CNTLN: variants seen among roughly 807,000 people sequenced by gnomAD.
CNTLN encodes centlein.
CNTLN carries 212 observed loss-of-function variants against 180.0 expected under a neutral mutation model. The observed-to-expected ratio is 1.18, with a 90% CI of 1.05 to 1.32. The LOEUF (loss-of-function observed/expected upper bound fraction) is 1.32. Ranked by LOEUF, CNTLN falls within the 40% of genes most tolerant of loss-of-function variation. The pLI, the probability that CNTLN is intolerant of heterozygous loss-of-function variation, is 0.00. For synonymous variants in CNTLN, 722 were observed against 563.1 expected (o/e 1.28, Z -3.99); for missense variants, 2,095 against 1,610.9 (o/e 1.30, Z -5.14).
intron 23 of CNTLN, among the ~76,000 whole-genome samples, chr9:17,481,746 TC>T (rs533980857): frequency 1.5e-4 from 23 of 152,312 alleles, no homozygotes; most frequent in Non-Finnish European, 3.2e-4. Context: ...TAGCCTGTGA[TC>T]CTGCCCAACA....
chr9:17,521,995 G>C, the CNTLN span, among the ~76,000 whole-genome samples: 2 of 150,832 alleles, frequency 1.3e-5, no homozygotes, highest in Admixed American at 6.7e-5. Flanking sequence ...TTGGGTTGTA[G>C]AATCATGACC....
rs563263706 is a variant in CNTLN, at chr9:17,262,606, C to T, written c.850-11127C>T. On this transcript the variant is annotated intron_variant, in intron 5 of 25. Coordinates refer to ENST00000380647, the MANE Select transcript of CNTLN (RefSeq NM_017738.4). ...GTGGGGAAGGGGAGGGAGAGCATTA[C>T]GACAAATACCTAATGCATATTTCGG... is the stretch of plus-strand genomic sequence containing the variant. 6.0e-5 allele frequency among the ~76,000 whole-genome samples: 9 copies of T among 151,216 alleles called. 1 individual carries two copies. Among genetic ancestry groups the T allele is most frequent in the South Asian group, 2.1e-4 (1 of 4,814 alleles).
At chr9:17,137,427 G>C (rs966685698) in intron 1 of CNTLN, among the ~76,000 whole-genome samples, 34 of 152,058 alleles carry the variant, frequency 2.2e-4, no homozygotes, top group African/African-American at 8.2e-4. Flanking sequence ...TATTTATTCA[G>C]CTAGAGATCA....
In CNTLN at chr9:17,203,513, G is replaced by A. The variant is rs115682815; in HGVS notation, c.450-22690G>A. On this transcript the variant is annotated intron_variant, in intron 2 of 25. Coordinates refer to ENST00000380647, the MANE Select transcript of CNTLN (RefSeq NM_017738.4). The stretch of plus-strand genomic sequence containing the variant: ...TTGTCACATAGTGCCCTAATTCTTG[G>A]AGGCCTTGTTTGTTCCTTTTAATTC... 5.1e-3 allele frequency among the ~76,000 whole-genome samples: 775 copies of A among 152,086 alleles called. 4 individuals carry two copies. The highest frequency in any genetic ancestry group is 0.017 in the African/African-American group (720 of 41,502).
chr9:17,350,599 G>A (rs1822283693), intron 12 of CNTLN, among the ~76,000 whole-genome samples: 1 of 152,128 alleles, frequency 6.6e-6, no homozygotes, highest in Non-Finnish European at 1.5e-5. Context: ...AGGCTGGGTG[G>A]CTTAACAGAC....
At chr9:17,171,482 A>G (rs972929840) in intron 2 of CNTLN, among the ~76,000 whole-genome samples, 6 of 152,274 alleles carry the variant, frequency 3.9e-5, no homozygotes, top group Non-Finnish European at 8.8e-5. Flanking sequence ...TGCGTGTGTT[A>G]CAAGGTGTCT....
chr9:17,379,082 C>T (rs112888743), intron 13 of CNTLN, among the ~76,000 whole-genome samples: 1 of 151,816 alleles, frequency 6.6e-6, no homozygotes, highest in African/African-American at 2.4e-5. Flanking sequence ...GTTAATTACT[C>T]CACTGTCTTC....
intron 6 of CNTLN, among the ~76,000 whole-genome samples, chr9:17,274,491 A>T (rs181443773): frequency 0.012 from 1,822 of 147,418 alleles, 44 homozygotes; most frequent in African/African-American, 0.043. Context: ...CTATCTATCT[A>T]TCTATCTATC....
chr9:17,226,224 T>C lies in CNTLN; in HGVS notation c.471T>C (p.Ala157=), dbSNP rs41312826. 2.5e-5 allele frequency: 39 copies of C among 1,578,856 alleles called. No homozygotes were observed. The highest frequency in any genetic ancestry group is 3.1e-5 in the Non-Finnish European group (36 of 1,161,956). Residue 157 remains alanine (A), a synonymous_variant, in exon 3 of 26, where the codon GCT becomes GCC. Transcript: ENST00000380647. ...CTAGAGAAAAACAGAAATCTGAAGC[T>C]AAAGACAGAAAAGTTCTAGAAATTC... is the stretch of plus-strand genomic sequence containing the variant. ...VVEREKQKSE[A]KDRKVLEILQ... is the part of the protein sequence containing the mutation.
In CNTLN at chr9:17,502,586, G is replaced by A. The variant is rs751165278; in HGVS notation, c.4155G>A (p.Leu1385=). The A allele has an allele frequency of 1.0e-5, 14 of 1,405,632 alleles. No individual in the cohort carries two copies. The highest frequency in any genetic ancestry group is 2.4e-5 in the East Asian group (1 of 41,376). The allele number at this position is 1,405,632 out of a possible 1,614,324, so 87.1% of individuals were successfully genotyped here. A position where few individuals can be genotyped will look rare whatever the true frequency, so the allele number is the denominator to read the frequency against. ...PFASYLLEAV[L]EKINEKKKLV... is the part of the protein sequence containing the mutation. Reference sequence around the variant, plus strand: ...CCTCATATTTACTAGAAGCAGTACTGGAAAAAATAAATGAAAAAAAGAAAC... The same window carrying A: ...CCTCATATTTACTAGAAGCAGTACTAGAAAAAATAAATGAAAAAAAGAAAC... The change falls in exon 26 of 26, where the codon CTG becomes CTA. Residue 1385 remains leucine (L), a synonymous_variant. Coordinates refer to ENST00000380647, the MANE Select transcript of CNTLN (RefSeq NM_017738.4).
At chr9:17,196,888 A>G (rs1822167860) in intron 2 of CNTLN, among the ~76,000 whole-genome samples, 1 of 152,038 alleles carries the variant, frequency 6.6e-6, no homozygotes. Context: ...TAGTTATTTT[A>G]AAGTGTACAA....
intron 5 of CNTLN, among the ~76,000 whole-genome samples, chr9:17,260,396 A>G (rs1428728895): frequency 6.6e-6 from 1 of 151,050 alleles, no homozygotes; most frequent in Non-Finnish European, 1.5e-5. Context: ...TTACTTCCAA[A>G]TATGTGGCCA....
At chr9:17,377,520 G>A (rs139880740) in intron 13 of CNTLN, among the ~76,000 whole-genome samples, 1 of 151,994 alleles carries the variant, frequency 6.6e-6, no homozygotes, top group African/African-American at 2.4e-5. Flanking sequence ...CAGCCTGGGC[G>A]CCACTTCACT....
At chr9:17,403,401 C>T (rs759510535) in intron 15 of CNTLN, among the ~76,000 whole-genome samples, 1 of 151,632 alleles carries the variant, frequency 6.6e-6, no homozygotes, top group African/African-American at 2.4e-5. Flanking sequence ...GACTGGGCTA[C>T]TGGCACTGTT....
At chr9:17,424,633 A>G (rs1313997324) in intron 18 of CNTLN, among the ~76,000 whole-genome samples, 2 of 152,220 alleles carry the variant, frequency 1.3e-5, no homozygotes, top group African/African-American at 4.8e-5. Context: ...TGTGGTTTCA[A>G]TATGTCCTCC....
intron 2 of CNTLN, among the ~76,000 whole-genome samples, chr9:17,180,422 C>T (rs1821053154): frequency 6.7e-6 from 1 of 149,828 alleles, no homozygotes; most frequent in Non-Finnish European, 1.5e-5. Context: ...TATTTTACTA[C>T]TTTAAGTGAC....
intron 15 of CNTLN, among the ~76,000 whole-genome samples, chr9:17,405,558 C>T (rs1827316520): frequency 2.6e-5 from 4 of 151,590 alleles, no homozygotes; most frequent in Admixed American, 6.6e-5. Context: ...AACATTAAAT[C>T]GTTCATGAGG....
chr9:17,477,155 A>G (rs1832395097), intron 23 of CNTLN, among the ~76,000 whole-genome samples: 1 of 152,316 alleles, frequency 6.6e-6, no homozygotes, highest in East Asian at 1.9e-4. Flanking sequence ...TTTACTGAAT[A>G]TTTTAGGCCC....
chr9:17,388,584 C>T (rs950520208), intron 14 of CNTLN, among the ~76,000 whole-genome samples: 2 of 151,924 alleles, frequency 1.3e-5, no homozygotes, highest in Admixed American at 6.6e-5. Flanking sequence ...AATAAGACTG[C>T]TGTACTTCCA....
Sources: allele counts gnomAD v4.1 joint callset (sites outside exome capture counted in the v4.1 genomes callset), GRCh38; gene constraint gnomAD v4.1.1; transcripts MANE v1.5; gene names NCBI Gene and HGNC (gene_info 2026-07-23, HGNC 2026-07-21).